The following MBNL1 variants were observed in gnomAD, a reference collection of about 807,000 sequenced individuals.
The protein encoded by MBNL1 is muscleblind like splicing regulator 1.
In MBNL1, 8 loss-of-function variants were observed where a neutral mutation model predicts 42.2. The observed-to-expected ratio is 0.19, with a 90% confidence interval of 0.11 to 0.34. MBNL1 has a LOEUF of 0.34. Ranked by LOEUF, MBNL1 falls within the 10% of genes least tolerant of loss-of-function variation. The pLI, the probability that MBNL1 is intolerant of heterozygous loss-of-function variation, is 1.00. For missense variants in MBNL1, 309 were observed against 495.3 expected, an observed-to-expected ratio of 0.62 and a Z score of 3.57; for synonymous variants, 169 against 173.9, an observed-to-expected ratio of 0.97 and a Z score of 0.22.
At chr3:152,434,030 G>C (rs2099045200) in intron 4 of MBNL1, among the ~76,000 whole-genome samples, 1 of 152,076 alleles carries the variant, frequency 6.6e-6, no homozygotes, top group South Asian at 2.1e-4. Context: ...CTTTTCCCTG[G>C]TGAGGATGAG....
rs1310304827 is a variant in MBNL1 at position 152,446,579 on chromosome 3, G to C, written c.807+1040G>C. The C allele has an allele frequency of 4.5e-6, 3 of 668,564 alleles. No homozygotes were observed. In the African/African-American group the frequency reaches 5.4e-5, roughly 12 times the overall value. 41.4% of individuals were successfully genotyped at this position (668,564 alleles called of 1,614,324 possible). The stretch of plus-strand genomic sequence containing the variant: ...ATTCCGATGATTTGTTTTTTTATTT[G>C]TTTTTTCTCACCTACCCAAAAATGC... On this transcript the variant is annotated intron_variant, in intron 5 of 9. Coordinates refer to ENST00000324210, the MANE Select transcript of MBNL1 (RefSeq NM_021038.5).
chr3:152,324,683 C>G (rs2078428792), intron 2 of MBNL1, among the ~76,000 whole-genome samples: 1 of 151,992 alleles, frequency 6.6e-6, no homozygotes, highest in South Asian at 2.1e-4. Context: ...AATTTTATTT[C>G]CAGATATTTT....
chr3:152,298,868 A>G (rs1324590232), intron 1 of MBNL1: 2 of 152,226 alleles, frequency 1.3e-5, no homozygotes, highest in African/African-American at 4.8e-5. Flanking sequence ...GAGGGAAAGC[A>G]GCTTGGAAGT....
chr3:152,355,638 AGT>A (rs1180581799), intron 2 of MBNL1, among the ~76,000 whole-genome samples: 1 of 152,212 alleles, frequency 6.6e-6, no homozygotes, highest in Non-Finnish European at 1.5e-5. Context: ...CAATTAGAAA[AGT>A]GTAATTTTTT....
intron 2 of MBNL1, among the ~76,000 whole-genome samples, chr3:152,337,239 T>C (rs1379058045): frequency 6.6e-6 from 1 of 152,190 alleles, no homozygotes; most frequent in Non-Finnish European, 1.5e-5. Flanking sequence ...GTTAACAAGC[T>C]ATTATCATCT....
chr3:152,281,419 A>T (rs1577069366), intron 1 of MBNL1, among the ~76,000 whole-genome samples: 1 of 152,102 alleles, frequency 6.6e-6, no homozygotes, highest in Non-Finnish European at 1.5e-5. Flanking sequence ...TAAGATGTGG[A>T]AGAGGTTTTT....
At chr3:152,306,751 T>G (rs1306828760) in intron 2 of MBNL1, among the ~76,000 whole-genome samples, 2 of 152,112 alleles carry the variant, frequency 1.3e-5, no homozygotes, top group Admixed American at 6.5e-5. Context: ...GAGTGTTTAT[T>G]TTTCCTCTCA....
chr3:152,309,913 A>C (rs571057423), intron 2 of MBNL1, among the ~76,000 whole-genome samples: 1 of 152,346 alleles, frequency 6.6e-6, no homozygotes, highest in East Asian at 1.9e-4. Context: ...AGCACAACGA[A>C]GATTAAAATA....
chr3:152,325,502 C>T (rs2079194395), intron 2 of MBNL1, among the ~76,000 whole-genome samples: 1 of 152,050 alleles, frequency 6.6e-6, no homozygotes, highest in Non-Finnish European at 1.5e-5. Context: ...ATAATGCATA[C>T]ACATGTGACA....
At chr3:152,272,226 A>G (rs1453932795) in intron 1 of MBNL1, among the ~76,000 whole-genome samples, 2 of 152,138 alleles carry the variant, frequency 1.3e-5, no homozygotes, top group Admixed American at 1.3e-4. Context: ...TTATACATAG[A>G]AATACCTCGT....
chr3:152,346,437 T>C (rs1323560500), intron 2 of MBNL1, among the ~76,000 whole-genome samples: 1 of 152,162 alleles, frequency 6.6e-6, no homozygotes, highest in Non-Finnish European at 1.5e-5. Context: ...GTTTTCCTTC[T>C]TGATTTTTTC....
chr3:152,451,734 T>G (rs184275920), intron 6 of MBNL1, among the ~76,000 whole-genome samples: 239 of 152,368 alleles, frequency 1.6e-3, no homozygotes, highest in African/African-American at 5.6e-3. Context: ...CCAGGTTGTT[T>G]CAGATATTTT....
At chr3:152,459,040 C>T (rs1316818879) in intron 8 of MBNL1, 2 of 344,796 alleles carry the variant, frequency 5.8e-6, no homozygotes, top group African/African-American at 4.3e-5. Context: ...TTACTTATTT[C>T]CTAAAAGCTG....
chr3:152,326,452 G>A (rs773614761), intron 2 of MBNL1, among the ~76,000 whole-genome samples: 1 of 152,100 alleles, frequency 6.6e-6, no homozygotes, highest in Admixed American at 6.6e-5. Context: ...TCCTTATAAA[G>A]TTCTCCATCA....
chr3:152,365,179 A>G (rs1012195753), intron 2 of MBNL1, among the ~76,000 whole-genome samples: 1 of 152,108 alleles, frequency 6.6e-6, no homozygotes, highest in Non-Finnish European at 1.5e-5. Context: ...ATATATTGAG[A>G]TGAATTTCCT....
intron 3 of MBNL1, among the ~76,000 whole-genome samples, chr3:152,415,656 A>T (rs2098687828): frequency 6.6e-6 from 1 of 152,192 alleles, no homozygotes; most frequent in Non-Finnish European, 1.5e-5. Context: ...AATATCATAG[A>T]CTTGGAGGTC....
chr3:152,448,284 A>T (rs1268608011), intron 6 of MBNL1, among the ~76,000 whole-genome samples: 1 of 152,212 alleles, frequency 6.6e-6, no homozygotes, highest in African/African-American at 2.4e-5. Context: ...GTTTAAAATT[A>T]TGACTGTTCC....
At chr3:152,332,221 T>A (rs2085180173) in intron 2 of MBNL1, among the ~76,000 whole-genome samples, 1 of 152,196 alleles carries the variant, frequency 6.6e-6, no homozygotes, top group Admixed American at 6.5e-5. Context: ...AAAAATCATT[T>A]GTTATGATCT....
chr3:152,458,705 C>T (rs1738791967), intron 8 of MBNL1: 1 of 155,544 alleles, frequency 6.4e-6, no homozygotes. Flanking sequence ...CTCTAATTCT[C>T]TTGCCCATTT....
Sources: allele counts gnomAD v4.1 joint callset (sites outside exome capture counted in the v4.1 genomes callset), GRCh38; gene constraint gnomAD v4.1.1; transcripts MANE v1.5; gene names NCBI Gene and HGNC (gene_info 2026-07-23, HGNC 2026-07-21).